DMD: variants seen among roughly 807,000 people sequenced by gnomAD.
The protein encoded by DMD is dystrophin, also known as mutant dystrophin.
Under a neutral mutation model 330.1 loss-of-function variants are expected in DMD, and 63 were observed. The observed-to-expected ratio is 0.19, with a 90% CI of 0.16 to 0.24. The LOEUF (loss-of-function observed/expected upper bound fraction) is 0.24. Ranked by LOEUF, DMD falls within the 10% of genes least tolerant of loss-of-function variation. The pLI, the probability that DMD is intolerant of heterozygous loss-of-function variation, is 1.00. For synonymous variants in DMD, 1,223 were observed against 959.8 expected, an observed-to-expected ratio of 1.27 and a Z score of -5.07; for missense variants, 3,344 against 2,684.1, an observed-to-expected ratio of 1.25 and a Z score of -5.43.
At chrX:32,980,001 G>A (rs1381570611) in intron 2 of DMD, among the ~76,000 whole-genome samples, 3 of 111,403 alleles carry the variant, frequency 2.7e-5, no homozygotes, top group Non-Finnish European at 5.7e-5. Flanking sequence ...GTAATGGACA[G>A]CTATTGAAGA....
chrX:31,670,816 ACT>A lies in DMD; in HGVS notation c.7872+8557_7872+8558del, dbSNP rs763368824. Among the ~76,000 whole-genome samples, 177 of 109,175 alleles carry A rather than the reference ACT, an allele frequency of 1.6e-3. 1 individual carries two copies. The highest frequency in any genetic ancestry group is 5.8e-3 in the African/African-American group (172 of 29,858). The allele number at this position is 109,175 out of a possible 115,157, so 94.8% of individuals were successfully genotyped here. A position where few individuals can be genotyped will look rare whatever the true frequency, so the allele number is the denominator to read the frequency against. On this transcript the variant is annotated intron_variant, in intron 53 of 78. Coordinates refer to ENST00000357033, the MANE Select transcript of DMD (RefSeq NM_004006.3). ...TCTTAACTTGACTGCATCTGCAAAGACTCTATTTCTACATAAGGTCACATTTG... is the reference window on the plus strand; with the variant it reads ...TCTTAACTTGACTGCATCTGCAAAGACTATTTCTACATAAGGTCACATTTG...
At chrX:32,639,487 T>C (rs1270118003) in intron 11 of DMD, among the ~76,000 whole-genome samples, 1 of 112,657 alleles carries the variant, frequency 8.9e-6, no homozygotes, top group African/African-American at 3.2e-5. Flanking sequence ...AGTTTTCTCA[T>C]TTAAATCATA....
At chrX:32,076,524 C>T (rs1174145981) in intron 44 of DMD, among the ~76,000 whole-genome samples, 22 of 108,755 alleles carry the variant, frequency 2.0e-4, no homozygotes, top group African/African-American at 5.7e-4. Flanking sequence ...GGACTACAGG[C>T]GCCTGCCAGC....
At chrX:32,805,394 T>C (rs1222239459) in intron 7 of DMD, among the ~76,000 whole-genome samples, 4 of 111,380 alleles carry the variant, frequency 3.6e-5, no homozygotes, top group Non-Finnish European at 7.5e-5. Flanking sequence ...TGAAATAAAG[T>C]GTGAAGACAA....
At chrX:31,228,898 TATAA>T (rs1431705458) in intron 63 of DMD, among the ~76,000 whole-genome samples, 4 of 112,368 alleles carry the variant, frequency 3.6e-5, no homozygotes, top group South Asian at 3.7e-4. Flanking sequence ...GGTTCTAGCC[TATAA>T]ATAGAGAAAT....
chrX:32,967,324 A>C (rs2092198924), intron 2 of DMD, among the ~76,000 whole-genome samples: 1 of 111,943 alleles, frequency 8.9e-6, no homozygotes, highest in South Asian at 3.8e-4. Context: ...TGGAGATCAC[A>C]GAAAGCATCA....
At chrX:32,976,322 A>G (rs1370572884) in intron 2 of DMD, among the ~76,000 whole-genome samples, 1 of 111,356 alleles carries the variant, frequency 9.0e-6, no homozygotes, top group Non-Finnish European at 1.9e-5. Context: ...GATTGTCCCC[A>G]TAACGGATGG....
At chrX:32,733,116 G>C (rs1399259854) in intron 7 of DMD, among the ~76,000 whole-genome samples, 1 of 108,168 alleles carries the variant, frequency 9.2e-6, no homozygotes, top group Non-Finnish European at 1.9e-5. Context: ...TGCAATCCTA[G>C]TCTCTGATAA....
At position 32,072,914 on chromosome X, in the gene DMD, C is replaced by T. The variant is rs2096311859; in HGVS notation, c.6439-104400G>A. Reference sequence around the variant, plus strand: ...AATACTCGGCAAAGGACAGACATAGCCTGCGATGCAGGCAGGGCTGCTTCT... The same window carrying T: ...AATACTCGGCAAAGGACAGACATAGTCTGCGATGCAGGCAGGGCTGCTTCT... On this transcript the variant is annotated intron_variant, in intron 44 of 78. Transcript: ENST00000357033. Among the ~76,000 whole-genome samples, 3 of 111,720 alleles carry T rather than the reference C, an allele frequency of 2.7e-5. No homozygotes were observed. In the Admixed American group the frequency reaches 2.9e-4, roughly 11 times the overall value.
chrX:31,771,531 C>A (rs1235465702), intron 51 of DMD, among the ~76,000 whole-genome samples: 1 of 107,670 alleles, frequency 9.3e-6, no homozygotes, highest in African/African-American at 3.4e-5. Context: ...GAGATGGAGT[C>A]TCACTCTGTC....
intron 7 of DMD, among the ~76,000 whole-genome samples, chrX:32,734,210 C>T (rs2068104863): frequency 1.9e-5 from 2 of 107,498 alleles, no homozygotes; most frequent in Admixed American, 1.0e-4. Flanking sequence ...CAAGACTAAA[C>T]CAGGAAGAAG....
chrX:32,540,206 A>G (rs775710114), intron 17 of DMD, among the ~76,000 whole-genome samples: 1 of 111,444 alleles, frequency 9.0e-6, no homozygotes, highest in East Asian at 2.8e-4. Flanking sequence ...TTACTCTGAT[A>G]ATTACCTACG....
At chrX:32,672,610 C>A (rs1291417001) in intron 9 of DMD, among the ~76,000 whole-genome samples, 1 of 110,714 alleles carries the variant, frequency 9.0e-6, no homozygotes, top group Non-Finnish European at 1.9e-5. Context: ...AAAAATCCAA[C>A]TACAACATTT....
chrX:32,787,267 AG>A lies in DMD; in HGVS notation c.649+22225del, dbSNP rs1569521656. On this transcript the variant is annotated intron_variant, in intron 7 of 78. Coordinates refer to ENST00000357033, the MANE Select transcript of DMD (RefSeq NM_004006.3). ...GTGTGTGAGAGAGAGAGAGAGAGAG[AG>A]AGAGAAAGAGAGAGAGAACCACTCT... is the stretch of plus-strand genomic sequence containing the variant. 2.2e-3 allele frequency among the ~76,000 whole-genome samples: 235 copies of A among 104,723 alleles called. 3 individuals carry two copies. The highest frequency in any genetic ancestry group is 5.3e-3 in the African/African-American group (148 of 27,709). 90.9% of individuals were successfully genotyped at this position (104,723 alleles called of 115,157 possible).
chrX:31,380,441 C>T (rs1451222481), intron 60 of DMD, among the ~76,000 whole-genome samples: 2 of 110,056 alleles, frequency 1.8e-5, no homozygotes, highest in African/African-American at 6.6e-5. Flanking sequence ...TCATGCACCC[C>T]TTACCATCCC....
chrX:32,360,582 G>A (rs1365713107), intron 37 of DMD, among the ~76,000 whole-genome samples: 3 of 110,560 alleles, frequency 2.7e-5, no homozygotes, highest in African/African-American at 6.6e-5. Context: ...GAGGTCAGGA[G>A]TTCCAGACCA....
intron 48 of DMD, among the ~76,000 whole-genome samples, chrX:31,871,634 A>T (rs1778265336): frequency 9.1e-6 from 1 of 109,981 alleles, no homozygotes; most frequent in Non-Finnish European, 1.9e-5. Context: ...TAGGATTTGG[A>T]GCTAGGGGCG....
At chrX:31,929,499 G>C (rs1405430609) in intron 47 of DMD, 97 bp downstream of exon 47, 20 of 998,570 alleles carry the variant, frequency 2.0e-5, no homozygotes, top group Non-Finnish European at 2.8e-5. Flanking sequence ...CCACATACCA[G>C]CCTCCTCCCC....
intron 35 of DMD, 98 bp downstream of exon 35, chrX:32,364,922 A>C (rs2097849175): frequency 6.2e-6 from 6 of 975,066 alleles, no homozygotes; most frequent in Non-Finnish European, 8.7e-6. Flanking sequence ...ATATACGTAG[A>C]ATTGAGAAAT....
Sources: gnomAD v4.1 joint callset for allele counts (sites outside exome capture counted in the v4.1 genomes callset) on GRCh38, gnomAD v4.1.1 for gene constraint, MANE v1.5 for transcripts, NCBI Gene and HGNC (gene_info 2026-07-23, HGNC 2026-07-21) for gene names.